Variants in OSBPL6 observed in about 807,000 individuals in gnomAD.
OSBPL6 encodes the protein oxysterol binding protein like 6, also known as oxysterol-binding protein-related protein 6.
In OSBPL6, 49 loss-of-function variants were observed where a neutral mutation model predicts 125.8. That is an observed-to-expected ratio of 0.39 (90% confidence interval 0.31 to 0.49). The LOEUF is 0.49. Ranked by LOEUF, OSBPL6 falls within the 20% of genes least tolerant of loss-of-function variation. The probability of loss-of-function intolerance (pLI) is 0.88; values close to 1 mark genes in which losing one functional copy is unlikely to be tolerated. For missense variants in OSBPL6, 986 were observed against 1,135.4 expected, an observed-to-expected ratio of 0.87 and a Z score of 1.89; for synonymous variants, 394 against 391.8, an observed-to-expected ratio of 1.01 and a Z score of -0.07.
chr2:178,222,329 A>G (rs978695107), intron 1 of OSBPL6, among the ~76,000 whole-genome samples: 3 of 152,214 alleles, frequency 2.0e-5, no homozygotes, highest in African/African-American at 7.2e-5. Context: ...TCTTGGCCCA[A>G]AACAAAGGTT....
At chr2:178,271,699 T>C (rs1205267601) in intron 1 of OSBPL6, among the ~76,000 whole-genome samples, 1 of 152,228 alleles carries the variant, frequency 6.6e-6, no homozygotes, top group Non-Finnish European at 1.5e-5. Flanking sequence ...GTGACAAACA[T>C]GTTTATACTT....
intron 20 of OSBPL6, among the ~76,000 whole-genome samples, chr2:178,387,980 G>C (rs542897239): frequency 6.6e-6 from 1 of 151,954 alleles, no homozygotes; most frequent in African/African-American, 2.4e-5. Context: ...CTCCAGCCTG[G>C]GTGACAGAGC....
chr2:178,379,284 AAAAG>A (rs879556198), intron 15 of OSBPL6, among the ~76,000 whole-genome samples: 25 of 118,164 alleles, frequency 2.1e-4, no homozygotes, highest in East Asian at 9.6e-4. Flanking sequence ...AGAAAGAAAG[AAAAG>A]AAAGAAAGAA....
intron 2 of OSBPL6, among the ~76,000 whole-genome samples, chr2:178,290,078 A>T (rs1049912527): frequency 6.6e-6 from 1 of 152,194 alleles, no homozygotes; most frequent in African/African-American, 2.4e-5. Flanking sequence ...TGATTTTGTC[A>T]GCCAATAATC....
Position 178,382,586 on chromosome 2 carries a change from C to G in OSBPL6, c.1621+79C>G, listed in dbSNP as rs1329636411. 3.8e-6 allele frequency: 6 copies of G among 1,581,968 alleles called. No individual in the cohort carries two copies. The South Asian group carries it at 5.7e-5, about 15-fold the overall frequency. On this transcript the variant is annotated intron_variant, in intron 16 of 24. Transcript: ENST00000190611. Reference sequence around the variant, plus strand: ...CGAAGACTTAATGAACAGGCATTCCCCCTCCCACGCCACCCCCACCCCTGC... The same window carrying G: ...CGAAGACTTAATGAACAGGCATTCCGCCTCCCACGCCACCCCCACCCCTGC...
chr2:178,199,739 A>T (rs1423435258), intron 1 of OSBPL6, among the ~76,000 whole-genome samples: 1 of 152,104 alleles, frequency 6.6e-6, no homozygotes. Flanking sequence ...TAAATATACA[A>T]TTTTTGTTAA....
At chr2:178,320,235 G>A (rs990049626) in intron 3 of OSBPL6, 42 of 1,592,768 alleles carry the variant, frequency 2.6e-5, no homozygotes, top group Non-Finnish European at 3.4e-5. Context: ...CTACAGTCAT[G>A]TTGGCACATT....
intron 1 of OSBPL6, among the ~76,000 whole-genome samples, chr2:178,276,860 A>G (rs546500885): frequency 6.6e-6 from 1 of 151,576 alleles, no homozygotes; most frequent in South Asian, 2.1e-4. Flanking sequence ...ATTGAGGAGC[A>G]AGAACAATGA....
rs531968621 is a variant in OSBPL6, at chr2:178,285,017, A to G, written c.-260A>G. The G allele has an allele frequency of 2.5e-5, 10 of 398,586 alleles. No individual in the cohort carries two copies. The Admixed American group carries it at 3.1e-4, about 12-fold the overall frequency. The allele number at this position is 398,586 out of a possible 1,614,324, so 24.7% of individuals were successfully genotyped here. Reference sequence around the variant, plus strand: ...AGATAGCCCCAGCAAGGTCAAAGACATATCATGTCCCAAGGAGAAAAGCTG... The same window carrying G: ...AGATAGCCCCAGCAAGGTCAAAGACGTATCATGTCCCAAGGAGAAAAGCTG... On this transcript the variant is annotated 5_prime_UTR_variant, in exon 2 of 25. Transcript: ENST00000190611.
intron 20 of OSBPL6, 54 bp downstream of exon 20, chr2:178,387,193 A>G (rs1194863429): frequency 7.3e-7 from 1 of 1,372,136 alleles, no homozygotes; most frequent in African/African-American, 1.4e-5. Flanking sequence ...TAAATCATAA[A>G]TGGGTATTTT....
At chr2:178,284,576 A>T (rs1684523907) in intron 1 of OSBPL6, among the ~76,000 whole-genome samples, 1 of 152,118 alleles carries the variant, frequency 6.6e-6, no homozygotes, top group Non-Finnish European at 1.5e-5. Flanking sequence ...CAAACAAAAA[A>T]GCCCTGTTGA....
At chr2:178,374,993 T>C (rs16866304) in intron 15 of OSBPL6, among the ~76,000 whole-genome samples, 1,895 of 152,260 alleles carry the variant, frequency 0.012, 43 homozygotes, top group African/African-American at 0.043. Flanking sequence ...GCCTGTCAGA[T>C]CCCAAGGCAT....
At chr2:178,201,232 GT>G (rs1487456038) in intron 1 of OSBPL6, among the ~76,000 whole-genome samples, 1 of 152,244 alleles carries the variant, frequency 6.6e-6, no homozygotes, top group East Asian at 1.9e-4. Flanking sequence ...GGTGGGCAAT[GT>G]TGGGAGTTAG....
At chr2:178,357,183 G>A (rs1691874257) in intron 12 of OSBPL6, among the ~76,000 whole-genome samples, 1 of 152,174 alleles carries the variant, frequency 6.6e-6, no homozygotes, top group African/African-American at 2.4e-5. Context: ...CATGGGCAAG[G>A]ACTTCATGAC....
chr2:178,315,835 C>A (rs1687684824), intron 3 of OSBPL6, among the ~76,000 whole-genome samples: 1 of 152,148 alleles, frequency 6.6e-6, no homozygotes, highest in African/African-American at 2.4e-5. Flanking sequence ...ACAGAAGCCA[C>A]CCCAGGAGAC....
upstream of OSBPL6, among the ~76,000 whole-genome samples, chr2:178,194,021 G>A (rs117716086): frequency 6.6e-6 from 1 of 152,230 alleles, no homozygotes; most frequent in Admixed American, 6.5e-5. Context: ...CCAGGCAGCC[G>A]TTCCTTTCGG....
At chr2:178,220,605 C>A (rs1398853917) in intron 1 of OSBPL6, among the ~76,000 whole-genome samples, 1 of 152,064 alleles carries the variant, frequency 6.6e-6, no homozygotes, top group Admixed American at 6.5e-5. Context: ...TGTGCCCAGC[C>A]AAAAAGTGAA....
intron 15 of OSBPL6, among the ~76,000 whole-genome samples, chr2:178,376,257 C>T (rs560727745): frequency 2.0e-5 from 3 of 152,200 alleles, no homozygotes; most frequent in South Asian, 2.1e-4. Context: ...CCCACCACTC[C>T]GCCAGGGGAG....
At chr2:178,265,279 A>G (rs1411133485) in intron 1 of OSBPL6, among the ~76,000 whole-genome samples, 1 of 130,438 alleles carries the variant, frequency 7.7e-6, no homozygotes, top group African/African-American at 3.0e-5. Flanking sequence ...TGGTACACTC[A>G]TGGCTCACTG....
Sources: allele counts gnomAD v4.1 joint callset (sites outside exome capture counted in the v4.1 genomes callset), GRCh38; gene constraint gnomAD v4.1.1; transcripts MANE v1.5; gene names NCBI Gene and HGNC (gene_info 2026-07-23, HGNC 2026-07-21).